MCC: variants seen among roughly 807,000 people sequenced by gnomAD.
MCC encodes the protein colorectal mutant cancer protein.
MCC carries 90 observed loss-of-function variants against 116.2 expected under a neutral mutation model. The observed-to-expected ratio is 0.77, with a 90% CI of 0.65 to 0.92. The LOEUF (loss-of-function observed/expected upper bound fraction) is 0.92, where lower values mean the gene tolerates loss of function less well. MCC is among the 40% of genes least tolerant of loss of function. MCC has a pLI of 0.00. For synonymous variants in MCC, 578 were observed against 510.5 expected, an observed-to-expected ratio of 1.13 and a Z score of -1.78; for missense variants, 1,516 against 1,312.2, an observed-to-expected ratio of 1.16 and a Z score of -2.40.
chr5:113,130,389 A>G (rs1325091384), intron 5 of MCC, among the ~76,000 whole-genome samples: 1 of 152,172 alleles, frequency 6.6e-6, no homozygotes, highest in African/African-American at 2.4e-5. Flanking sequence ...AATGTAGATA[A>G]TGGGTCCAGC....
chr5:113,441,646 C>A (rs1158384573), intron 1 of MCC, among the ~76,000 whole-genome samples: 1 of 152,146 alleles, frequency 6.6e-6, no homozygotes, highest in Non-Finnish European at 1.5e-5. Context: ...ATACTATCCC[C>A]TCCTCTAACC....
chr5:113,119,556 G>A (rs1453724254), intron 6 of MCC, among the ~76,000 whole-genome samples: 1 of 152,220 alleles, frequency 6.6e-6, no homozygotes, highest in African/African-American at 2.4e-5. Context: ...CAGAAGCAGG[G>A]ACCGCCCTGT....
chr5:113,211,718 C>A (rs1763141574), intron 3 of MCC, among the ~76,000 whole-genome samples: 1 of 152,128 alleles, frequency 6.6e-6, no homozygotes, highest in Non-Finnish European at 1.5e-5. Context: ...TTGAAGGAGA[C>A]CTTTAACTCA....
At chr5:113,068,761 T>A (rs184776908) in intron 12 of MCC, among the ~76,000 whole-genome samples, 42 of 152,346 alleles carry the variant, frequency 2.8e-4, no homozygotes, top group Non-Finnish European at 5.6e-4. Context: ...GACTAAGGCC[T>A]CCAGCCAACA....
intron 3 of MCC, among the ~76,000 whole-genome samples, chr5:113,234,906 A>G (rs191571116): frequency 2.6e-5 from 4 of 152,318 alleles, no homozygotes. Context: ...ATATCTTATG[A>G]AAGGAGATAA....
intron 3 of MCC, 101 bp downstream of exon 3, chr5:113,340,418 A>C (rs1479079872): frequency 1.0e-6 from 1 of 984,566 alleles, no homozygotes; most frequent in African/African-American, 1.6e-5. Flanking sequence ...CGCAATAAAG[A>C]AGACAATACC....
chr5:113,429,110 G>C (rs1323101978), intron 1 of MCC, among the ~76,000 whole-genome samples: 1 of 152,158 alleles, frequency 6.6e-6, no homozygotes, highest in African/African-American at 2.4e-5. Flanking sequence ...GGGGAGTGTT[G>C]TATAGTGAAT....
chr5:113,035,689 C>T (rs577007622), intron 17 of MCC, among the ~76,000 whole-genome samples: 5 of 152,194 alleles, frequency 3.3e-5, no homozygotes, highest in Non-Finnish European at 7.3e-5. Context: ...ATCTCAGCTT[C>T]AGTGTCACCT....
intron 3 of MCC, among the ~76,000 whole-genome samples, chr5:113,260,722 T>A (rs1040644127): frequency 5.9e-5 from 9 of 151,458 alleles, no homozygotes; most frequent in South Asian, 2.1e-4. Flanking sequence ...TGTAGCTTTT[T>A]TTTTTGAAAT....
intron 3 of MCC, among the ~76,000 whole-genome samples, chr5:113,288,378 T>A (rs971371): frequency 6.6e-6 from 1 of 152,138 alleles, no homozygotes; most frequent in Non-Finnish European, 1.5e-5. Flanking sequence ...CTCTGAGATG[T>A]CTCTGAATAC....
intron 1 of MCC, among the ~76,000 whole-genome samples, chr5:113,387,315 G>A (rs34561076): frequency 0.27 from 40,703 of 151,948 alleles, 7,387 homozygotes; most frequent in African/African-American, 0.51. Context: ...GTAGCTAATC[G>A]ATAAACTGGA....
intron 14 of MCC, 106 bp from the exon 15 acceptor site, chr5:113,054,065 T>G: frequency 1.3e-6 from 1 of 774,222 alleles, no homozygotes; most frequent in South Asian, 1.7e-5. Context: ...CCCAGTGTTA[T>G]TTAGATGGTA....
rs763761398 is a variant in MCC at position 113,101,844 on chromosome 5, C to A, written c.1293G>T (p.Glu431Asp). 2.5e-6 allele frequency: 4 copies of A among 1,613,732 alleles called. No individual in the cohort carries two copies. Among genetic ancestry groups the A allele is most frequent in the Non-Finnish European group, 3.4e-6 (4 of 1,180,036 alleles). The change falls in exon 8 of 19, where the codon GAG (glutamate) becomes GAT (aspartate). Residue 431 changes from glutamate (E) to aspartate (D), a missense_variant. Physicochemically the swap from Glu to Asp is conservative, Grantham distance 45. Coordinates refer to ENST00000408903, the MANE Select transcript of MCC (RefSeq NM_001085377.2). ...ACAGCATGGCAGTCAGGCTCTCATT[C>A]TCTTCCCTCAGCCCAGCCAGCTCCT... ...WEKELAGLRE[E>D]NESLTAMLCS...
chr5:113,252,796 C>A (rs1335181579), intron 3 of MCC, among the ~76,000 whole-genome samples: 1 of 152,154 alleles, frequency 6.6e-6, no homozygotes, highest in South Asian at 2.1e-4. Context: ...CAGTTTCTAT[C>A]TCCTCCCACC....
chr5:113,119,007 C>A (rs1757571216), intron 6 of MCC, among the ~76,000 whole-genome samples: 1 of 152,216 alleles, frequency 6.6e-6, no homozygotes, highest in African/African-American at 2.4e-5. Flanking sequence ...CCGAGGTTAT[C>A]ACCAGGGCCA....
At chr5:113,474,412 G>A (rs1025104274) in intron 1 of MCC, among the ~76,000 whole-genome samples, 2 of 152,240 alleles carry the variant, frequency 1.3e-5, no homozygotes, top group African/African-American at 4.8e-5. Flanking sequence ...GGAGCTGCAT[G>A]TGCACAGCAC....
chr5:113,226,785 T>C (rs913511842), intron 3 of MCC, among the ~76,000 whole-genome samples: 2 of 152,180 alleles, frequency 1.3e-5, no homozygotes, highest in African/African-American at 2.4e-5. Flanking sequence ...AACTTTACAA[T>C]GTTTTATCTG....
chr5:113,341,618 C>T (rs1206204694), intron 2 of MCC, among the ~76,000 whole-genome samples: 3 of 152,172 alleles, frequency 2.0e-5, no homozygotes. Context: ...ACTGCTGGAC[C>T]TTGCTTATAA....
At chr5:113,454,145 A>G (rs1771477107) in intron 1 of MCC, among the ~76,000 whole-genome samples, 1 of 152,202 alleles carries the variant, frequency 6.6e-6, no homozygotes, top group Non-Finnish European at 1.5e-5. Flanking sequence ...ATGTACATTT[A>G]AAAATATTTG....
Sources: allele counts gnomAD v4.1 joint callset (sites outside exome capture counted in the v4.1 genomes callset), GRCh38; gene constraint gnomAD v4.1.1; transcripts MANE v1.5; gene names NCBI Gene and HGNC (gene_info 2026-07-23, HGNC 2026-07-21).